Variants in PARD3 observed in about 807,000 individuals in gnomAD.
The protein encoded by PARD3 is partitioning defective 3 homolog.
PARD3 carries 75 observed loss-of-function variants against 155.4 expected under a neutral mutation model. The observed-to-expected ratio is 0.48, with a 90% confidence interval of 0.40 to 0.58. The LOEUF is 0.58. Ranked by LOEUF, PARD3 falls within the 20% of genes least tolerant of loss-of-function variation. The probability of loss-of-function intolerance (pLI) is 0.00; values close to 1 mark genes in which losing one functional copy is unlikely to be tolerated. For missense variants in PARD3, 1,642 were observed against 1,721.7 expected (o/e 0.95, Z 0.82); for synonymous variants, 576 against 610.5 (o/e 0.94, Z 0.83).
chr10:34,378,379 A>G (rs941383179), intron 9 of PARD3, among the ~76,000 whole-genome samples: 13 of 152,350 alleles, frequency 8.5e-5, no homozygotes, highest in Admixed American at 5.9e-4. Flanking sequence ...ATGACTGCTA[A>G]AAGTTTTTAA....
At chr10:34,324,262 TTACC>T (rs1958549128) in intron 19 of PARD3, among the ~76,000 whole-genome samples, 1 of 152,224 alleles carries the variant, frequency 6.6e-6, no homozygotes, top group Admixed American at 6.5e-5. Flanking sequence ...GCGAATGTTC[TTACC>T]TACCATGAAA....
intron 2 of PARD3, among the ~76,000 whole-genome samples, chr10:34,662,539 C>T (rs936215449): frequency 6.6e-6 from 1 of 152,090 alleles, no homozygotes; most frequent in African/African-American, 2.4e-5. Context: ...TAAAGAAAAT[C>T]TGGTACATAC....
chr10:34,262,191 T>C (rs1365553625), intron 22 of PARD3, among the ~76,000 whole-genome samples: 1 of 152,156 alleles, frequency 6.6e-6, no homozygotes, highest in Non-Finnish European at 1.5e-5. Context: ...TAAGAAGTGC[T>C]CCAGGGTCTT....
chr10:34,515,204 CG>C (rs2081638032), intron 3 of PARD3, among the ~76,000 whole-genome samples: 1 of 152,138 alleles, frequency 6.6e-6, no homozygotes, highest in Non-Finnish European at 1.5e-5. Context: ...ATTTTGTATA[CG>C]CTGTATGGTA....
chr10:34,272,781 A>C (rs1955684341), intron 21 of PARD3, among the ~76,000 whole-genome samples: 2 of 152,288 alleles, frequency 1.3e-5, no homozygotes, highest in Admixed American at 1.3e-4. Flanking sequence ...AAACCTCAAC[A>C]ATGAGAAAAC....
chr10:34,452,894 C>T (rs1288647448), intron 4 of PARD3, among the ~76,000 whole-genome samples: 1 of 152,156 alleles, frequency 6.6e-6, no homozygotes, highest in Non-Finnish European at 1.5e-5. Flanking sequence ...ATCTCCACAG[C>T]TTCTAAGTCT....
chr10:34,510,776 A>G (rs993124371), intron 3 of PARD3, among the ~76,000 whole-genome samples: 33 of 152,126 alleles, frequency 2.2e-4, no homozygotes, highest in Admixed American at 9.8e-4. Context: ...TCTTTAGGTA[A>G]CCCATCCCCT....
chr10:34,367,599 G>T (rs1007969193), intron 12 of PARD3, among the ~76,000 whole-genome samples: 6 of 152,098 alleles, frequency 3.9e-5, no homozygotes, highest in African/African-American at 1.4e-4. Context: ...AGCTACTCGG[G>T]AGGCTAAGGC....
intron 24 of PARD3, among the ~76,000 whole-genome samples, chr10:34,113,917 G>C (rs1165541126): frequency 1.3e-5 from 2 of 152,212 alleles, no homozygotes; most frequent in Non-Finnish European, 2.9e-5. Flanking sequence ...TTGACTAATA[G>C]GTCCCGGAGG....
In PARD3 at chr10:34,337,312, G is replaced by A. The variant is rs771996927; in HGVS notation, c.2523C>T (p.Phe841=). The A allele has an allele frequency of 2.0e-5, 32 of 1,599,532 alleles. No homozygotes were observed. The highest frequency in any genetic ancestry group is 1.7e-4 in the Middle Eastern group (1 of 6,046). Residue 841 remains phenylalanine, a synonymous_variant, in exon 17 of 25, where the codon TTC becomes TTT. Coordinates refer to ENST00000374788, the MANE Select transcript of PARD3 (RefSeq NM_001184785.2). ...TGCTTTTTGATTTTCGTGTTTTAAC[G>A]AAATCCAATTGACTGGCATCTGAAA... is the stretch of plus-strand genomic sequence containing the variant. ...KQFSDASQLD[F]VKTRKSKSMD... is the part of the protein sequence containing the mutation.
At chr10:34,733,575 C>A (rs1020748858) in intron 1 of PARD3, among the ~76,000 whole-genome samples, 1 of 152,332 alleles carries the variant, frequency 6.6e-6, no homozygotes, top group East Asian at 1.9e-4. Context: ...ACTCCTCCTC[C>A]CGGGCTCAAG....
chr10:34,299,734 G>A (rs1957065264), intron 20 of PARD3, among the ~76,000 whole-genome samples: 1 of 152,160 alleles, frequency 6.6e-6, no homozygotes. Flanking sequence ...CAGGAAAAAT[G>A]CTATATAAAT....
At chr10:34,695,981 G>C (rs1269568696) in intron 2 of PARD3, among the ~76,000 whole-genome samples, 1 of 152,212 alleles carries the variant, frequency 6.6e-6, no homozygotes, top group Non-Finnish European at 1.5e-5. Context: ...GAGATGATAA[G>C]GACAGGCCCG....
chr10:34,117,025 A>T (rs1178094620), intron 24 of PARD3, among the ~76,000 whole-genome samples: 1 of 152,170 alleles, frequency 6.6e-6, no homozygotes, highest in Non-Finnish European at 1.5e-5. Flanking sequence ...AACCAGGAGA[A>T]ATTCAGTGGA....
chr10:34,693,143 T>C (rs2031655866), intron 2 of PARD3, among the ~76,000 whole-genome samples: 1 of 152,206 alleles, frequency 6.6e-6, no homozygotes, highest in African/African-American at 2.4e-5. Context: ...GTTTATACGC[T>C]GCTGGTGGGA....
At chr10:34,611,511 G>A (rs2090888486) in intron 2 of PARD3, among the ~76,000 whole-genome samples, 1 of 152,260 alleles carries the variant, frequency 6.6e-6, no homozygotes, top group South Asian at 2.1e-4. Flanking sequence ...GGGATTTTCT[G>A]ATGCCTTTTA....
chr10:34,290,595 T>C (rs143065690), intron 20 of PARD3, among the ~76,000 whole-genome samples: 10 of 152,304 alleles, frequency 6.6e-5, no homozygotes, highest in Admixed American at 2.0e-4. Flanking sequence ...CCTGGCGTGG[T>C]CAATATAGTC....
chr10:34,180,126 C>A (rs1950205777), intron 22 of PARD3, among the ~76,000 whole-genome samples: 1 of 152,124 alleles, frequency 6.6e-6, no homozygotes, highest in Non-Finnish European at 1.5e-5. Context: ...CAGCTCACTG[C>A]AACCTCCCCG....
intron 1 of PARD3, among the ~76,000 whole-genome samples, chr10:34,723,371 A>G (rs1376192510): frequency 6.6e-6 from 1 of 152,204 alleles, no homozygotes; most frequent in African/African-American, 2.4e-5. Context: ...GTAAAATCAT[A>G]CGAGAAAAAG....
Sources: allele counts gnomAD v4.1 joint callset (sites outside exome capture counted in the v4.1 genomes callset), GRCh38; gene constraint gnomAD v4.1.1; transcripts MANE v1.5; gene names NCBI Gene and HGNC (gene_info 2026-07-23, HGNC 2026-07-21).